CFDP1: variants seen among roughly 807,000 people sequenced by gnomAD.
CFDP1 encodes chromatin remodeling protein CFDP1, also known as heterochromatin-stabilizing protein CFDP1.
Under a neutral mutation model 40.1 loss-of-function variants are expected in CFDP1, and 31 were observed. The ratio of observed to expected loss-of-function variants is 0.77; its 90% confidence interval spans 0.58 to 1.04. The LOEUF is 1.04. Ranked by LOEUF, CFDP1 falls within the 50% of genes least tolerant of loss-of-function variation. The probability of loss-of-function intolerance (pLI) is 0.00; values close to 1 mark genes in which losing one functional copy is unlikely to be tolerated. For missense variants in CFDP1, 423 were observed against 343.4 expected, an observed-to-expected ratio of 1.23 and a Z score of -1.83; for synonymous variants, 167 against 120.0, an observed-to-expected ratio of 1.39 and a Z score of -2.56.
Position 75,315,561 on chromosome 16 carries a change from TCCC to T in CFDP1, c.651-10382_651-10380del, listed in dbSNP as rs1389347434. 6.6e-5 allele frequency among the ~76,000 whole-genome samples: 10 copies of T among 151,716 alleles called. No individual in the cohort carries two copies. The East Asian group carries it at 1.9e-3, about 29-fold the overall frequency. On this transcript the variant is annotated intron_variant, in intron 5 of 6. Transcript: ENST00000283882. ...ATTCCAATATGGTCTGGTGCAAAAA[TCCC>T]CCCAACTTTATAGTTTGAAAAATGT... is the stretch of plus-strand genomic sequence containing the variant.
intron 5 of CFDP1, among the ~76,000 whole-genome samples, chr16:75,358,070 G>A (rs1362850695): frequency 6.6e-6 from 1 of 152,104 alleles, no homozygotes; most frequent in Non-Finnish European, 1.5e-5. Flanking sequence ...ATCCTATGTG[G>A]GTGTGGCTCA....
At chr16:75,396,447 G>C (rs567608388) in intron 4 of CFDP1, among the ~76,000 whole-genome samples, 2 of 103,494 alleles carry the variant, frequency 1.9e-5, no homozygotes, top group South Asian at 3.4e-4. Context: ...GCTGAGGCAG[G>C]AGAATTGCCT....
intron 6 of CFDP1, among the ~76,000 whole-genome samples, chr16:75,299,788 A>G (rs2078209684): frequency 1.3e-5 from 2 of 152,176 alleles, no homozygotes; most frequent in Non-Finnish European, 2.9e-5. Context: ...TGAACAAAAC[A>G]TGACAACATG....
chr16:75,344,874 G>A (rs1825104312), intron 5 of CFDP1, among the ~76,000 whole-genome samples: 1 of 152,196 alleles, frequency 6.6e-6, no homozygotes. Context: ...AGAGGTTGCA[G>A]TGAGCTGAGA....
intron 1 of CFDP1, 88 bp downstream of exon 1, chr16:75,433,201 C>G (rs1432454815): frequency 7.5e-7 from 1 of 1,336,048 alleles, no homozygotes; most frequent in East Asian, 2.5e-5. Context: ...ACCTGGGCCA[C>G]AGGGCAGACG....
intron 5 of CFDP1, among the ~76,000 whole-genome samples, chr16:75,306,879 ACACACACACACACACACACACACG>A (rs559560503): frequency 7.6e-6 from 1 of 131,226 alleles, no homozygotes. Context: ...GCGCGTGATC[ACACACACACACACACACACACACG>A]CACACACACA....
intron 5 of CFDP1, among the ~76,000 whole-genome samples, chr16:75,309,191 C>G (rs897490980): frequency 6.6e-6 from 1 of 152,164 alleles, no homozygotes; most frequent in Admixed American, 6.5e-5. Flanking sequence ...ACTCACTCTC[C>G]CACCCTGAGA....
At chr16:75,412,112 G>C (rs2079168646) in intron 3 of CFDP1, among the ~76,000 whole-genome samples, 160 bp from the exon 4 acceptor site, 1 of 152,118 alleles carries the variant, frequency 6.6e-6, no homozygotes, top group Non-Finnish European at 1.5e-5. Flanking sequence ...CCACCTCCCA[G>C]GTTAAAGCGA....
chr16:75,420,572 T>C (rs1017251265), intron 1 of CFDP1, among the ~76,000 whole-genome samples: 25 of 152,198 alleles, frequency 1.6e-4, no homozygotes, highest in African/African-American at 5.5e-4. Context: ...AACAACTGGA[T>C]AATATGTGTA....
intron 4 of CFDP1, chr16:75,406,443 C>T (rs923977051): frequency 1.3e-5 from 2 of 152,186 alleles, no homozygotes; most frequent in African/African-American, 4.8e-5. Flanking sequence ...TGGCTCATAC[C>T]TGTAATCCCA....
chr16:75,311,787 T>TTC (rs2078294349), intron 5 of CFDP1, among the ~76,000 whole-genome samples: 1 of 150,700 alleles, frequency 6.6e-6, no homozygotes, highest in African/African-American at 2.5e-5. Context: ...TTTTTTTTTT[T>TTC]CAAGAAAGAG....
chr16:75,306,448 T>A (rs955316972), intron 5 of CFDP1: 2 of 152,248 alleles, frequency 1.3e-5, no homozygotes, highest in African/African-American at 4.8e-5. Flanking sequence ...CTGCTGGGAC[T>A]GAACAATGAC....
intron 1 of CFDP1, among the ~76,000 whole-genome samples, chr16:75,417,319 CAAGTTGTCTCACAGT>C (rs2079218355): frequency 6.6e-6 from 1 of 152,264 alleles, no homozygotes; most frequent in African/African-American, 2.4e-5. Context: ...AGAAACAACT[CAAGTTGTCTCACAGT>C]AAGTGACTGG....
intron 5 of CFDP1, among the ~76,000 whole-genome samples, chr16:75,334,361 C>G (rs10871309): frequency 1.2e-4 from 18 of 150,772 alleles, no homozygotes; most frequent in African/African-American, 4.4e-4. Context: ...GAGGATAAAA[C>G]TGTACGGCAG....
intron 5 of CFDP1, among the ~76,000 whole-genome samples, chr16:75,310,373 A>G (rs2078287548): frequency 1.3e-5 from 2 of 152,154 alleles, no homozygotes; most frequent in Admixed American, 1.3e-4. Flanking sequence ...ACCAAGACCT[A>G]TCATAACACC....
intron 5 of CFDP1, among the ~76,000 whole-genome samples, chr16:75,322,994 G>A (rs1224816498): frequency 1.3e-5 from 2 of 152,148 alleles, no homozygotes; most frequent in East Asian, 1.9e-4. Flanking sequence ...TATAACCACT[G>A]TACACTTAGG....
chr16:75,397,183 G>C (rs951336993), intron 4 of CFDP1, among the ~76,000 whole-genome samples: 2 of 151,546 alleles, frequency 1.3e-5, no homozygotes, highest in South Asian at 2.1e-4. Flanking sequence ...CAAAGTGCTG[G>C]GATTACAGGC....
rs138933815 is a variant in CFDP1, at chr16:75,336,477, T to A, written c.651-31295A>T. 4.6e-3 allele frequency among the ~76,000 whole-genome samples: 699 copies of A among 152,332 alleles called. 4 individuals are homozygous for A. Among genetic ancestry groups the A allele is most frequent in the Middle Eastern group, 0.01 (3 of 294 alleles). Reference sequence around the variant, plus strand: ...TCTGGTCAGAAACAGAAAAGAGAGTTTGGCTTTAGCCGGGAGAAGACCCTC... The same window carrying A: ...TCTGGTCAGAAACAGAAAAGAGAGTATGGCTTTAGCCGGGAGAAGACCCTC... On this transcript the variant is annotated intron_variant, in intron 5 of 6. Coordinates refer to ENST00000283882, the MANE Select transcript of CFDP1 (RefSeq NM_006324.3).
intron 5 of CFDP1, among the ~76,000 whole-genome samples, chr16:75,393,070 C>G (rs539845925): frequency 6.6e-6 from 1 of 152,196 alleles, no homozygotes; most frequent in Non-Finnish European, 1.5e-5. Flanking sequence ...ACAGCAAGCA[C>G]GTGCAGCTCA....
Sources: gnomAD v4.1 joint callset for allele counts (sites outside exome capture counted in the v4.1 genomes callset) on GRCh38, gnomAD v4.1.1 for gene constraint, MANE v1.5 for transcripts, NCBI Gene and HGNC (gene_info 2026-07-23, HGNC 2026-07-21) for gene names.